Variants in PHTF1 observed in about 807,000 individuals in gnomAD.
PHTF1 encodes protein PHTF1.
A neutral mutation model predicts 102.4 loss-of-function variants in PHTF1; 88 were observed. The observed-to-expected ratio is 0.86, with a 90% CI of 0.72 to 1.03. PHTF1 has a LOEUF of 1.03. PHTF1 is among the 50% of genes least tolerant of loss of function. PHTF1 has a pLI of 0.00. For missense variants in PHTF1, 814 were observed against 909.5 expected (o/e 0.89, Z 1.35); for synonymous variants, 289 against 305.2 (o/e 0.95, Z 0.55).
At chr1:113,701,546 C>A (rs1283316531) in intron 15 of PHTF1, among the ~76,000 whole-genome samples, 2 of 151,982 alleles carry the variant, frequency 1.3e-5, no homozygotes, top group African/African-American at 2.4e-5. Flanking sequence ...ATAATGCTCA[C>A]AGAAACCTGG....
intron 3 of PHTF1, 67 bp downstream of exon 3, chr1:113,757,632 G>A: frequency 1.0e-6 from 1 of 990,762 alleles, no homozygotes; most frequent in Non-Finnish European, 1.6e-6. Context: ...AGTTTACCAG[G>A]TAAGTACAAT....
chr1:113,722,273 A>C (rs1653079268), intron 7 of PHTF1, among the ~76,000 whole-genome samples: 1 of 151,856 alleles, frequency 6.6e-6, no homozygotes, highest in Non-Finnish European at 1.5e-5. Context: ...CCCCATCTCT[A>C]CTAAAAATAC....
intron 16 of PHTF1, chr1:113,700,181 A>G: frequency 2.1e-6 from 2 of 957,022 alleles, no homozygotes; most frequent in Middle Eastern, 1.1e-3. Context: ...AGAAGAAGAT[A>G]GCTCCTTTTA....
intron 3 of PHTF1, among the ~76,000 whole-genome samples, chr1:113,753,656 G>C (rs931808142): frequency 2.6e-5 from 4 of 151,868 alleles, no homozygotes; most frequent in African/African-American, 9.7e-5. Context: ...TTGAACTCCT[G>C]AGCTCATGCA....
chr1:113,754,003 T>A (rs532203275), intron 3 of PHTF1, among the ~76,000 whole-genome samples: 1 of 152,234 alleles, frequency 6.6e-6, no homozygotes, highest in East Asian at 1.9e-4. Context: ...ATTATAAGTA[T>A]AGTAGCTTGT....
At chr1:113,722,332 T>C (rs1479489299) in intron 7 of PHTF1, among the ~76,000 whole-genome samples, 1 of 151,338 alleles carries the variant, frequency 6.6e-6, no homozygotes, top group Non-Finnish European at 1.5e-5. Context: ...CCAGCTCCTC[T>C]GGAGGCTGAG....
At chr1:113,704,057 T>C (rs1336326278) in intron 15 of PHTF1, 24 bp downstream of exon 15, 3 of 1,512,806 alleles carry the variant, frequency 2.0e-6, no homozygotes, top group Non-Finnish European at 2.8e-6. Context: ...TCATTTTTCC[T>C]TAAAGCAGAT....
chr1:113,718,747 G>T (rs866862191), intron 7 of PHTF1, among the ~76,000 whole-genome samples: 4 of 152,180 alleles, frequency 2.6e-5, no homozygotes, highest in Non-Finnish European at 2.9e-5. Flanking sequence ...TTCAGCCATG[G>T]CTGGAGCAAC....
intron 11 of PHTF1, among the ~76,000 whole-genome samples, chr1:113,707,473 T>G (rs1447343926): frequency 6.6e-6 from 1 of 152,206 alleles, no homozygotes; most frequent in Non-Finnish European, 1.5e-5. Flanking sequence ...ACTTCTACAG[T>G]CTGTATCAGA....
At chr1:113,740,335 T>C (rs1216256348) in intron 3 of PHTF1, among the ~76,000 whole-genome samples, 1 of 152,174 alleles carries the variant, frequency 6.6e-6, no homozygotes, top group Non-Finnish European at 1.5e-5. Flanking sequence ...GTATCAAGCA[T>C]TTTTTCATAT....
In PHTF1 at chr1:113,727,373, CACCGCTATATCTAAA is replaced by C. The variant is rs1654003047; in HGVS notation, c.332-814_332-800del. 2.0e-5 allele frequency among the ~76,000 whole-genome samples: 3 copies of C among 152,216 alleles called. No individual in the cohort carries two copies. In the East Asian group the frequency reaches 5.8e-4, roughly 29 times the overall value. ...GACAAGGAGTTTTGTCTGATTTGTT[CACCGCTATATCTAAA>C]ACTAGTACCTGGAGCACAGAATAGA... On this transcript the variant is annotated intron_variant, in intron 5 of 18. Transcript: ENST00000369604.
chr1:113,710,256 G>A lies in PHTF1; in HGVS notation c.1267C>T (p.Gln423Ter), dbSNP rs767165182. The change falls in exon 11 of 19, where the codon CAG becomes TAG. Residue 423 changes from glutamine (Q) to a stop codon, truncating the protein, a stop_gained and splice_region_variant. Transcript: ENST00000369604. LOFTEE classifies it high-confidence loss of function. ...KRDPKEDVFQQNHLFWLQNSS... is the reference protein window; with the variant it reads ...KRDPKEDVFQ ...ATTCTTATCATGTCTGCACAGACCTGCTGAAAAACATCCTCTTTGGGGTCA... is the reference window on the plus strand; with the variant it reads ...ATTCTTATCATGTCTGCACAGACCTACTGAAAAACATCCTCTTTGGGGTCA... The A allele has an allele frequency of 1.4e-5, 22 of 1,609,328 alleles. 1 individual carries two copies. In the South Asian group the frequency reaches 2.0e-4, roughly 14 times the overall value.
intron 7 of PHTF1, among the ~76,000 whole-genome samples, chr1:113,718,566 C>T (rs1427681406): frequency 6.6e-6 from 1 of 152,230 alleles, no homozygotes; most frequent in Non-Finnish European, 1.5e-5. Flanking sequence ...GAGTGCCCTG[C>T]CCCTGCAGCA....
At chr1:113,723,418 TCCCCCCGCCTCAG>T in intron 7 of PHTF1, among the ~76,000 whole-genome samples, 1 of 151,504 alleles carries the variant, frequency 6.6e-6, no homozygotes, top group East Asian at 1.9e-4. Context: ...CCTCAAATGA[TCCCCCCGCCTCAG>T]CCTCCCAAAG....
At chr1:113,729,682 T>TA (rs1654353769) in intron 5 of PHTF1, among the ~76,000 whole-genome samples, 1 of 152,188 alleles carries the variant, frequency 6.6e-6, no homozygotes, top group Non-Finnish European at 1.5e-5. Flanking sequence ...CCAGGCCTGA[T>TA]AGTTTATGCT....
chr1:113,738,734 G>C lies in PHTF1; in HGVS notation c.168C>G (p.Ile56Met). The change falls in exon 4 of 19, where the codon ATC becomes ATG. Residue 56 changes from isoleucine to methionine, a missense_variant. Transcript: ENST00000369604. The part of the protein sequence containing the change: ...IKPDLIDVDL[I>M]RGSTFAKAKP... Reference sequence around the variant, plus strand: ...AAAAACAATTTTAAGACTAACCTCTGATTAAGTCAACGTCAATCAAGTCTG... The same window carrying C: ...AAAAACAATTTTAAGACTAACCTCTCATTAAGTCAACGTCAATCAAGTCTG... The C allele has an allele frequency of 6.3e-7, 1 of 1,583,658 alleles. No homozygotes were observed. The highest frequency in any genetic ancestry group is 8.6e-7 in the Non-Finnish European group (1 of 1,161,832).
chr1:113,700,274 T>C, intron 16 of PHTF1: 1 of 564,540 alleles, frequency 1.8e-6, no homozygotes, highest in Non-Finnish European at 2.2e-6. Context: ...AAACGAATGA[T>C]AAATGTTTTT....
At chr1:113,716,940 G>C (rs1652139543) in intron 7 of PHTF1, among the ~76,000 whole-genome samples, 1 of 152,014 alleles carries the variant, frequency 6.6e-6, no homozygotes, top group Non-Finnish European at 1.5e-5. Context: ...ATTGTTATGT[G>C]TAAACGACTC....
In PHTF1 at chr1:113,724,785, A is replaced by T; in HGVS notation, c.597T>A (p.Gly199=). 1 of 1,602,380 alleles carries T rather than the reference A, an allele frequency of 6.2e-7. No homozygotes were observed. Among genetic ancestry groups the T allele is most frequent in the East Asian group, 2.2e-5 (1 of 44,794 alleles). ...ETLESVPIIG[G]FWETIFGNRI... ...TGTTGCCAAAGATAGTCTCCCAAAA[A>T]CCACCAATAATGGGTACAGATTCCA... is the stretch of plus-strand genomic sequence containing the variant. The change falls in exon 7 of 19, where the codon GGT becomes GGA. Residue 199 remains glycine (G), a synonymous_variant. Transcript: ENST00000369604.
Sources: allele counts gnomAD v4.1 joint callset (sites outside exome capture counted in the v4.1 genomes callset), GRCh38; gene constraint gnomAD v4.1.1; transcripts MANE v1.5; gene names NCBI Gene and HGNC (gene_info 2026-07-23, HGNC 2026-07-21).